Variants in ARHGAP24 observed in about 807,000 individuals in gnomAD.
ARHGAP24 encodes the protein rho GTPase-activating protein 24.
In ARHGAP24, 50 loss-of-function variants were observed where a neutral mutation model predicts 76.4. The ratio of observed to expected loss-of-function variants is 0.65; its 90% CI spans 0.52 to 0.83. The LOEUF is 0.83. Among genes scored for constraint, ARHGAP24 ranks in the 40% least tolerant of loss-of-function variants. The pLI is 0.00. For synonymous variants in ARHGAP24, 345 were observed against 323.3 expected (o/e 1.07, Z -0.72); for missense variants, 930 against 914.2 (o/e 1.02, Z -0.22).
In ARHGAP24 at chr4:85,586,660, A is replaced by G. The variant is rs184449877; in HGVS notation, c.180+15939A>G. On this transcript the variant is annotated intron_variant, in intron 2 of 9. Transcript: ENST00000395184. ...CACACCTGTAATCCCAGCACTTTGG[A>G]AGGCTGAGGCGGGTGAATCACAAGG... Among the ~76,000 whole-genome samples, 996 of 152,098 alleles carry G rather than the reference A, an allele frequency of 6.5e-3. 6 individuals carry two copies. Among genetic ancestry groups the G allele is most frequent in the Non-Finnish European group, 9.6e-3 (656 of 67,980 alleles).
At chr4:85,608,333 A>G (rs918084015) in intron 2 of ARHGAP24, among the ~76,000 whole-genome samples, 1 of 152,194 alleles carries the variant, frequency 6.6e-6, no homozygotes, top group African/African-American at 2.4e-5. Context: ...AATAAAGGCA[A>G]CAAGTTGAAT....
At chr4:85,683,985 A>C (rs1176661124) in intron 2 of ARHGAP24, among the ~76,000 whole-genome samples, 5 of 152,144 alleles carry the variant, frequency 3.3e-5, no homozygotes, top group Non-Finnish European at 7.3e-5. Flanking sequence ...GCATTTTCTC[A>C]GTTCATATGT....
intron 1 of ARHGAP24, among the ~76,000 whole-genome samples, chr4:85,558,458 C>T (rs371911644): frequency 9.9e-5 from 15 of 151,988 alleles, no homozygotes; most frequent in African/African-American, 3.6e-4. Context: ...AAAATATGTT[C>T]AAATTATATG....
chr4:85,902,869 G>T (rs1734579747), intron 3 of ARHGAP24, among the ~76,000 whole-genome samples: 1 of 152,220 alleles, frequency 6.6e-6, no homozygotes, highest in African/African-American at 2.4e-5. Flanking sequence ...CTCCCAAATT[G>T]CTGGGATTAC....
chr4:85,586,610 G>A (rs371857833), intron 2 of ARHGAP24, among the ~76,000 whole-genome samples: 99 of 152,250 alleles, frequency 6.5e-4, no homozygotes, highest in Middle Eastern at 6.8e-3. Context: ...TAATAAAGTT[G>A]AGAATTGGGC....
chr4:85,856,471 C>CTTTTTTT (rs3029091), intron 3 of ARHGAP24, among the ~76,000 whole-genome samples: 70 of 128,518 alleles, frequency 5.4e-4, no homozygotes, highest in Non-Finnish European at 9.5e-4. Flanking sequence ...GGAAATTACT[C>CTTTTTTT]TTTTTTTTTT....
rs930346391 is a variant in ARHGAP24, at chr4:86,000,799, G to A, written c.*77G>A. 1.2e-6 allele frequency: 2 copies of A among 1,602,530 alleles called. No homozygotes were observed. Among genetic ancestry groups the A allele is most frequent in the Admixed American group, 1.7e-5 (1 of 59,174 alleles). On this transcript the variant is annotated 3_prime_UTR_variant, in exon 10 of 10. Transcript: ENST00000395184. ...CTGGTGGGATATGACTTAGAACCAG[G>A]TGGCTGGTCACCTGGATGTACAGAA...
chr4:85,518,026 C>A (rs189571804), intron 1 of ARHGAP24, among the ~76,000 whole-genome samples: 392 of 152,160 alleles, frequency 2.6e-3, no homozygotes, highest in Admixed American at 6.0e-3. Context: ...AAATATCACA[C>A]AGAAATCCTC....
At chr4:85,494,006 C>T (rs1723459584) in intron 1 of ARHGAP24, among the ~76,000 whole-genome samples, 1 of 152,140 alleles carries the variant, frequency 6.6e-6, no homozygotes, top group Admixed American at 6.6e-5. Context: ...ACAAGGAAAA[C>T]TATGGTGACT....
intron 1 of ARHGAP24, among the ~76,000 whole-genome samples, chr4:85,507,806 C>G (rs1408210016): frequency 2.0e-5 from 3 of 152,010 alleles, no homozygotes; most frequent in Non-Finnish European, 2.9e-5. Context: ...TAATTATTGC[C>G]TTGAATAGAA....
At chr4:85,872,959 A>G (rs1732628190) in intron 3 of ARHGAP24, among the ~76,000 whole-genome samples, 1 of 152,180 alleles carries the variant, frequency 6.6e-6, no homozygotes, top group Admixed American at 6.5e-5. Context: ...AAAAGAATAA[A>G]TCATTAATGG....
At chr4:85,609,706 C>T (rs72656210) in intron 2 of ARHGAP24, among the ~76,000 whole-genome samples, 5,158 of 152,088 alleles carry the variant, frequency 0.034, 132 homozygotes, top group Middle Eastern at 0.058. Flanking sequence ...TTAATTGACA[C>T]ATAATAATTG....
intron 1 of ARHGAP24, among the ~76,000 whole-genome samples, chr4:85,518,117 G>A (rs987551216): frequency 1.5e-4 from 23 of 152,034 alleles, no homozygotes; most frequent in African/African-American, 5.1e-4. Context: ...TAAAGCAATT[G>A]CAGAGTTATT....
intron 1 of ARHGAP24, among the ~76,000 whole-genome samples, chr4:85,559,820 G>A (rs1416703594): frequency 6.6e-6 from 1 of 152,068 alleles, no homozygotes; most frequent in Non-Finnish European, 1.5e-5. Flanking sequence ...GATAGTTGCC[G>A]TCTTCACTTT....
intron 3 of ARHGAP24, among the ~76,000 whole-genome samples, chr4:85,804,520 C>T (rs1484439288): frequency 1.3e-5 from 2 of 151,948 alleles, no homozygotes; most frequent in African/African-American, 4.8e-5. Flanking sequence ...GTAATACTAC[C>T]AAACAGTATA....
intron 1 of ARHGAP24, among the ~76,000 whole-genome samples, chr4:85,558,524 T>C (rs918883534): frequency 4.6e-5 from 7 of 152,120 alleles, no homozygotes; most frequent in African/African-American, 1.7e-4. Flanking sequence ...TCTACCATAA[T>C]ATGAATGATG....
chr4:85,953,747 A>C (rs954829484), intron 5 of ARHGAP24, among the ~76,000 whole-genome samples: 3 of 152,082 alleles, frequency 2.0e-5, no homozygotes. Flanking sequence ...AGCAGGCACG[A>C]GGTCAGGGCA....
intron 2 of ARHGAP24, among the ~76,000 whole-genome samples, chr4:85,628,491 T>C (rs867439878): frequency 1.9e-4 from 29 of 152,332 alleles, no homozygotes; most frequent in Middle Eastern, 3.4e-3. Context: ...GGATGGGATA[T>C]TCTGTATCTA....
In ARHGAP24 at chr4:85,860,699, A is replaced by G. The variant is rs528339566; in HGVS notation, c.269-62949A>G. Among the ~76,000 whole-genome samples, 6 of 152,244 alleles carry G rather than the reference A, an allele frequency of 3.9e-5. No individual in the cohort carries two copies. In the South Asian group the frequency reaches 1.2e-3, roughly 32 times the overall value. Reference sequence around the variant, plus strand: ...AGGTGCAATACAAAATAATTTGTCCATCACCAGGAGAATGAAGGTGCATTA... The same window carrying G: ...AGGTGCAATACAAAATAATTTGTCCGTCACCAGGAGAATGAAGGTGCATTA... On this transcript the variant is annotated intron_variant, in intron 3 of 9. Transcript: ENST00000395184.
Sources: allele counts gnomAD v4.1 joint callset (sites outside exome capture counted in the v4.1 genomes callset), GRCh38; gene constraint gnomAD v4.1.1; transcripts MANE v1.5; gene names NCBI Gene and HGNC (gene_info 2026-07-23, HGNC 2026-07-21).